SAMMSON: variants seen among roughly 807,000 people sequenced by gnomAD.
SAMMSON encodes the protein survival associated mitochondrial melanoma specific oncogenic non-coding RNA.
At chr3:70,100,523 G>T (rs1219453373) in intron 4 of SAMMSON, among the ~76,000 whole-genome samples, 2 of 236 alleles carry the variant, frequency 8.5e-3, no homozygotes, top group East Asian at 0.25. Flanking sequence ...AGTGGGGGGG[G>T]GGGGGGGGGG....
chr3:70,064,468 G>A (rs1284234142), intron 3 of SAMMSON, among the ~76,000 whole-genome samples: 1 of 152,106 alleles, frequency 6.6e-6, no homozygotes, highest in African/African-American at 2.4e-5. Flanking sequence ...ATAAAGAAAT[G>A]GGAGAAAGTG....
chr3:70,371,135 T>C (rs1438335728), intron 9 of SAMMSON, among the ~76,000 whole-genome samples: 1 of 152,056 alleles, frequency 6.6e-6, no homozygotes, highest in Non-Finnish European at 1.5e-5. Context: ...AATATATGGG[T>C]TTATTTCTGG....
At chr3:70,030,174 C>CTA (rs147803717) in intron 3 of SAMMSON, among the ~76,000 whole-genome samples, 5,832 of 152,134 alleles carry the variant, frequency 0.038, 331 homozygotes, top group African/African-American at 0.12. Context: ...ATAAAAATAG[C>CTA]TGAGTGTTTA....
chr3:70,295,567 G>A (rs991975113), intron 7 of SAMMSON, among the ~76,000 whole-genome samples: 1 of 152,080 alleles, frequency 6.6e-6, no homozygotes, highest in Non-Finnish European at 1.5e-5. Context: ...GCCAGGCTTG[G>A]TGGTGCGCAC....
At position 70,389,013 on chromosome 3, in the gene SAMMSON, G is replaced by A. The variant is rs926296978; in HGVS notation, n.914-561G>A. ...AGGGAGTGAATTAGTTCCTGAGAGA[G>A]CAGGTTGTTAAAAAGAATCTGGCTT... On this transcript the variant is annotated intron_variant and non_coding_transcript_variant, in intron 9 of 9. Transcript: ENST00000642114. Among the ~76,000 whole-genome samples the A allele has an allele frequency of 2.0e-5, 3 of 152,060 alleles. No individual in the cohort carries two copies. The South Asian group carries it at 6.2e-4, about 31-fold the overall frequency.
downstream of SAMMSON, among the ~76,000 whole-genome samples, chr3:70,390,128 G>A (rs1701032121): frequency 1.3e-5 from 2 of 152,052 alleles, no homozygotes; most frequent in Admixed American, 6.6e-5. Flanking sequence ...TAAAAGCAAG[G>A]TTAATCCTTA....
intron 3 of SAMMSON, among the ~76,000 whole-genome samples, chr3:70,048,463 T>A (rs895980466): frequency 2.6e-5 from 4 of 152,088 alleles, no homozygotes; most frequent in African/African-American, 9.7e-5. Context: ...CATTTTTAAG[T>A]AACTTTTAAA....
chr3:70,240,455 T>A (rs1217303581), intron 4 of SAMMSON, among the ~76,000 whole-genome samples: 1 of 152,170 alleles, frequency 6.6e-6, no homozygotes, highest in Non-Finnish European at 1.5e-5. Context: ...TGACACACTA[T>A]TTTTTGGTGT....
chr3:70,332,155 A>T (rs893992977), intron 7 of SAMMSON, among the ~76,000 whole-genome samples: 1 of 152,220 alleles, frequency 6.6e-6, no homozygotes, highest in Non-Finnish European at 1.5e-5. Context: ...ATTAGAATGA[A>T]TTTCTTCTTT....
At chr3:70,011,363 T>A (rs1364331426) in intron 1 of SAMMSON, among the ~76,000 whole-genome samples, 1 of 152,130 alleles carries the variant, frequency 6.6e-6, no homozygotes, top group East Asian at 1.9e-4. Flanking sequence ...AAAGATTTGG[T>A]CAAAGCTTTG....
intron 3 of SAMMSON, among the ~76,000 whole-genome samples, chr3:70,024,402 A>C (rs1177292268): frequency 6.6e-6 from 1 of 152,218 alleles, no homozygotes; most frequent in Non-Finnish European, 1.5e-5. Context: ...AGATGATATT[A>C]GACCAGCATT....
intron 9 of SAMMSON, among the ~76,000 whole-genome samples, chr3:70,379,493 A>G (rs1703046954): frequency 6.6e-6 from 1 of 152,292 alleles, no homozygotes; most frequent in African/African-American, 2.4e-5. Flanking sequence ...CACTGCGATG[A>G]AAGCCTGAGC....
At chr3:70,031,922 A>G (rs554213647) in intron 3 of SAMMSON, among the ~76,000 whole-genome samples, 237 of 152,316 alleles carry the variant, frequency 1.6e-3, no homozygotes, top group African/African-American at 5.5e-3. Context: ...ACCTAAAATT[A>G]TCAAAAAGCA....
chr3:70,035,637 G>A (rs1435779864), intron 3 of SAMMSON, among the ~76,000 whole-genome samples: 5 of 152,148 alleles, frequency 3.3e-5, no homozygotes, highest in Admixed American at 3.3e-4. Flanking sequence ...ACCCTCCGCA[G>A]TTTCTCTTGA....
At chr3:70,340,209 A>G (rs1007071668) in intron 7 of SAMMSON, among the ~76,000 whole-genome samples, 2 of 119,422 alleles carry the variant, frequency 1.7e-5, no homozygotes, top group African/African-American at 6.5e-5. Context: ...ACTTGGACAC[A>G]GGGTGGGGAA....
intron 4 of SAMMSON, among the ~76,000 whole-genome samples, chr3:70,083,405 A>G (rs898632258): frequency 1.6e-4 from 24 of 152,168 alleles, no homozygotes; most frequent in Admixed American, 1.6e-3. Flanking sequence ...ATTCTCATGC[A>G]CAGATTTCTA....
intron 1 of SAMMSON, chr3:69,999,982 T>A (rs988982183): frequency 6.6e-6 from 1 of 152,214 alleles, no homozygotes; most frequent in African/African-American, 2.4e-5. Context: ...TTCCACTCAA[T>A]ACAACTTTGC....
At chr3:70,248,737 G>T (rs966926768) in intron 4 of SAMMSON, among the ~76,000 whole-genome samples, 3 of 152,058 alleles carry the variant, frequency 2.0e-5, no homozygotes, top group Non-Finnish European at 4.4e-5. Context: ...GTGAACAAAA[G>T]AACTCAACAG....
chr3:70,253,607 T>A (rs181761375), intron 6 of SAMMSON, among the ~76,000 whole-genome samples: 126 of 152,186 alleles, frequency 8.3e-4, no homozygotes, highest in African/African-American at 2.9e-3. Flanking sequence ...TCTGTAGTCC[T>A]AGCTAGTCAA....
Sources: gnomAD v4.1 joint callset for allele counts (sites outside exome capture counted in the v4.1 genomes callset) on GRCh38, gnomAD v4.1.1 for gene constraint, MANE v1.5 for transcripts, NCBI Gene and HGNC (gene_info 2026-07-23, HGNC 2026-07-21) for gene names.